TMEFF1: variants seen among roughly 807,000 people sequenced by gnomAD.
TMEFF1 encodes tomoregulin-1.
Under a neutral mutation model 47.5 loss-of-function variants are expected in TMEFF1, and 20 were observed. The ratio of observed to expected loss-of-function variants is 0.42; its 90% CI spans 0.30 to 0.61. TMEFF1 has a LOEUF of 0.61. Ranked by LOEUF, TMEFF1 falls within the 20% of genes least tolerant of loss-of-function variation. TMEFF1 has a pLI of 0.19. For missense variants in TMEFF1, 411 were observed against 471.1 expected (o/e 0.87, Z 1.18); for synonymous variants, 162 against 166.3 (o/e 0.97, Z 0.20).
chr9:100,536,720 C>G (rs895485075), intron 5 of TMEFF1, among the ~76,000 whole-genome samples: 1 of 151,966 alleles, frequency 6.6e-6, no homozygotes, highest in African/African-American at 2.4e-5. Flanking sequence ...ATTGTGGTAC[C>G]AGGGCTGAGC....
chr9:100,477,788 G>A (rs1837263819), intron 1 of TMEFF1, among the ~76,000 whole-genome samples: 1 of 151,704 alleles, frequency 6.6e-6, no homozygotes, highest in South Asian at 2.1e-4. Context: ...CACCACGCCC[G>A]GCTAATTGTT....
chr9:100,546,523 A>T (rs1022410359), intron 5 of TMEFF1, among the ~76,000 whole-genome samples: 3 of 152,002 alleles, frequency 2.0e-5, no homozygotes, highest in African/African-American at 7.3e-5. Context: ...AAACCACATC[A>T]GGCCTGCAAA....
chr9:100,493,641 A>G (rs1837597537), intron 1 of TMEFF1, among the ~76,000 whole-genome samples: 1 of 152,230 alleles, frequency 6.6e-6, no homozygotes, highest in Admixed American at 6.5e-5. Context: ...TTCTTTGTGT[A>G]AAACATTTCT....
intron 5 of TMEFF1, among the ~76,000 whole-genome samples, chr9:100,518,015 A>G (rs970063437): frequency 3.9e-5 from 6 of 152,144 alleles, no homozygotes; most frequent in Admixed American, 2.6e-4. Context: ...GGCTTGATCA[A>G]TTGGTCTGTT....
chr9:100,509,732 C>T (rs1405415479), intron 3 of TMEFF1, among the ~76,000 whole-genome samples: 3 of 151,196 alleles, frequency 2.0e-5, no homozygotes, highest in African/African-American at 7.3e-5. Context: ...CAAGATCGCA[C>T]CACTGTGCTC....
At chr9:100,480,346 T>G (rs1226751358) in intron 1 of TMEFF1, among the ~76,000 whole-genome samples, 1 of 152,242 alleles carries the variant, frequency 6.6e-6, no homozygotes, top group African/African-American at 2.4e-5. Flanking sequence ...GTCAGTTGTA[T>G]TTGTTTTCAA....
rs115181782 is a variant in TMEFF1, at chr9:100,489,377, A to T, written c.197-9388A>T. Among the ~76,000 whole-genome samples, 1,026 of 152,120 alleles carry T rather than the reference A, an allele frequency of 6.7e-3. 7 individuals are homozygous for T. Among genetic ancestry groups the T allele is most frequent in the African/African-American group, 0.024 (998 of 41,506 alleles). On this transcript the variant is annotated intron_variant, in intron 1 of 9. Coordinates refer to ENST00000374879, the MANE Select transcript of TMEFF1 (RefSeq NM_003692.5). Reference sequence around the variant, plus strand: ...GCCACCACGCCTGGCAGATTTTTGCATGGGGGTTTCACCATGTTGCCCAGA... The same window carrying T: ...GCCACCACGCCTGGCAGATTTTTGCTTGGGGGTTTCACCATGTTGCCCAGA...
intron 1 of TMEFF1, among the ~76,000 whole-genome samples, chr9:100,489,522 G>A (rs1008366076): frequency 2.2e-4 from 33 of 152,278 alleles, no homozygotes; most frequent in African/African-American, 7.5e-4. Flanking sequence ...ATATACTGTA[G>A]CATGTAATTG....
chr9:100,544,609 C>T (rs994185445), intron 5 of TMEFF1, among the ~76,000 whole-genome samples: 3 of 152,184 alleles, frequency 2.0e-5, no homozygotes, highest in African/African-American at 7.2e-5. Flanking sequence ...CTTGCCCCTC[C>T]CAAATCTCAT....
intron 3 of TMEFF1, among the ~76,000 whole-genome samples, chr9:100,509,989 C>T (rs1453916889): frequency 6.6e-6 from 1 of 151,976 alleles, no homozygotes; most frequent in African/African-American, 2.4e-5. Flanking sequence ...ATAGAGATGC[C>T]GGTGAGGTAA....
intron 1 of TMEFF1, among the ~76,000 whole-genome samples, chr9:100,481,696 A>G (rs1247743107): frequency 6.6e-6 from 1 of 152,216 alleles, no homozygotes; most frequent in Admixed American, 6.5e-5. Flanking sequence ...CGGTACGATG[A>G]AAGATAATGG....
intron 5 of TMEFF1, among the ~76,000 whole-genome samples, chr9:100,518,048 T>C (rs1838103038): frequency 6.6e-6 from 1 of 152,218 alleles, no homozygotes; most frequent in African/African-American, 2.4e-5. Context: ...GCGGTGCTTC[T>C]ATTCATCCCT....
intron 1 of TMEFF1, among the ~76,000 whole-genome samples, chr9:100,484,783 C>G (rs534740847): frequency 6.6e-6 from 1 of 151,694 alleles, no homozygotes; most frequent in Admixed American, 6.6e-5. Context: ...TCCGCCTCCC[C>G]GGTTCAAGAG....
intron 8 of TMEFF1, among the ~76,000 whole-genome samples, chr9:100,566,792 C>G (rs1839134288): frequency 6.6e-6 from 1 of 152,028 alleles, no homozygotes; most frequent in African/African-American, 2.4e-5. Context: ...GCAGCCTCCA[C>G]CTCCTGGGTT....
At chr9:100,477,177 A>AATT (rs1837250272) in intron 1 of TMEFF1, among the ~76,000 whole-genome samples, 1 of 152,180 alleles carries the variant, frequency 6.6e-6, no homozygotes, top group Non-Finnish European at 1.5e-5. Context: ...GGCTTCATTA[A>AATT]ATTAATAGAA....
intron 2 of TMEFF1, among the ~76,000 whole-genome samples, chr9:100,503,051 G>A (rs1837797002): frequency 6.6e-6 from 1 of 152,150 alleles, no homozygotes; most frequent in Non-Finnish European, 1.5e-5. Context: ...GGTAGACTTA[G>A]GTTATTGCCA....
intron 1 of TMEFF1, among the ~76,000 whole-genome samples, chr9:100,490,865 G>GTGTGTGTGTGTA (rs1159901701): frequency 1.3e-3 from 188 of 148,090 alleles, no homozygotes; most frequent in East Asian, 7.2e-3. Flanking sequence ...GTGTGTGTGT[G>GTGTGTGTGTGTA]TGTGTGTATG....
chr9:100,566,273 A>G (rs1283062551), intron 8 of TMEFF1, among the ~76,000 whole-genome samples: 1 of 152,174 alleles, frequency 6.6e-6, no homozygotes, highest in East Asian at 1.9e-4. Flanking sequence ...TATGCTAATA[A>G]CTCCTAATTT....
chr9:100,514,785 A>C (rs1162837144), intron 4 of TMEFF1, among the ~76,000 whole-genome samples: 3 of 151,860 alleles, frequency 2.0e-5, no homozygotes, highest in African/African-American at 7.3e-5. Context: ...ACCTGAGGTC[A>C]GGAGTTTGAG....
Sources: allele counts gnomAD v4.1 joint callset (sites outside exome capture counted in the v4.1 genomes callset), GRCh38; gene constraint gnomAD v4.1.1; transcripts MANE v1.5; gene names NCBI Gene and HGNC (gene_info 2026-07-23, HGNC 2026-07-21).